NEDD4L: variants seen among roughly 807,000 people sequenced by gnomAD.
NEDD4L encodes the protein E3 ubiquitin-protein ligase NEDD4-like.
In NEDD4L, 54 loss-of-function variants were observed where a neutral mutation model predicts 148.9. The observed-to-expected ratio is 0.36, with a 90% confidence interval of 0.29 to 0.45. NEDD4L has a LOEUF of 0.45. Ranked by LOEUF, NEDD4L falls within the 20% of genes least tolerant of loss-of-function variation. The pLI is 1.00. For synonymous variants in NEDD4L, 433 were observed against 440.7 expected (o/e 0.98, Z 0.22); for missense variants, 856 against 1,233.8 (o/e 0.69, Z 4.59).
chr18:58,065,846 A>G (rs1599026662), intron 1 of NEDD4L, among the ~76,000 whole-genome samples: 1 of 152,212 alleles, frequency 6.6e-6, no homozygotes, highest in Non-Finnish European at 1.5e-5. Flanking sequence ...TTGCCACCAC[A>G]CAGAGTGCTG....
At chr18:58,126,387 A>C (rs892896009) in intron 1 of NEDD4L, among the ~76,000 whole-genome samples, 1 of 150,838 alleles carries the variant, frequency 6.6e-6, no homozygotes, top group African/African-American at 2.5e-5. Context: ...GAATCATACT[A>C]GGGGGTCTTT....
At chr18:58,387,976 G>GC (rs1305296399) in intron 27 of NEDD4L, 1 of 153,854 alleles carries the variant, frequency 6.5e-6, no homozygotes, top group African/African-American at 2.4e-5. Flanking sequence ...CCACAAGGTG[G>GC]CCGTAAGCAT....
intron 9 of NEDD4L, among the ~76,000 whole-genome samples, chr18:58,327,449 G>A (rs1436473900): frequency 1.3e-5 from 2 of 152,198 alleles, no homozygotes; most frequent in African/African-American, 4.8e-5. Flanking sequence ...TTTGGGAGAA[G>A]GCAGAGGCAT....
intron 5 of NEDD4L, among the ~76,000 whole-genome samples, chr18:58,283,457 G>C (rs766314065): frequency 6.6e-6 from 1 of 152,142 alleles, no homozygotes; most frequent in South Asian, 2.1e-4. Flanking sequence ...AGCAAGTCAC[G>C]TGGCCATGCC....
intron 5 of NEDD4L, among the ~76,000 whole-genome samples, chr18:58,286,052 A>G (rs1436774429): frequency 6.6e-6 from 1 of 152,232 alleles, no homozygotes; most frequent in African/African-American, 2.4e-5. Context: ...GCATTTTGCA[A>G]GTAGATGCAC....
chr18:58,114,710 A>G (rs2085668016), intron 1 of NEDD4L, among the ~76,000 whole-genome samples: 1 of 152,142 alleles, frequency 6.6e-6, no homozygotes, highest in African/African-American at 2.4e-5. Context: ...CATGGGCTAA[A>G]CTCAAGGTGT....
intron 1 of NEDD4L, among the ~76,000 whole-genome samples, chr18:58,072,026 C>G (rs1231471945): frequency 6.6e-6 from 1 of 152,090 alleles, no homozygotes; most frequent in Non-Finnish European, 1.5e-5. Context: ...ATTAGGTAAC[C>G]TAAATGGAAT....
At position 58,337,079 on chromosome 18, in the gene NEDD4L, ATGGCAAGGGTCACC is replaced by A. The variant is rs139717390; in HGVS notation, c.1125+1548_1125+1561del. ...TGGAATCATTGCAGTACCAGGCTCCATGGCAAGGGTCACCTGGCAGGACAAGGTGACCCCTCTGA... is the reference window on the plus strand; with the variant it reads ...TGGAATCATTGCAGTACCAGGCTCCATGGCAGGACAAGGTGACCCCTCTGA... On this transcript the variant is annotated intron_variant, in intron 13 of 30. Transcript: ENST00000400345. Among the ~76,000 whole-genome samples the A allele has an allele frequency of 4.8e-4, 73 of 152,260 alleles. 1 individual carries two copies. The East Asian group carries it at 0.013, about 27-fold the overall frequency.
At chr18:58,357,295 T>C (rs777990298) in intron 19 of NEDD4L, 43 bp downstream of exon 19, 3 of 1,459,774 alleles carry the variant, frequency 2.1e-6, no homozygotes, top group African/African-American at 1.4e-5. Flanking sequence ...AAGATTTTGG[T>C]TACGTGTTTA....
chr18:58,174,680 C>T (rs1039050113), intron 2 of NEDD4L, among the ~76,000 whole-genome samples: 2 of 152,074 alleles, frequency 1.3e-5, no homozygotes, highest in Non-Finnish European at 2.9e-5. Flanking sequence ...AGGCTACGTG[C>T]GACTGGAGGG....
At chr18:58,384,550 G>A (rs1026648734) in intron 25 of NEDD4L, among the ~76,000 whole-genome samples, 2 of 152,212 alleles carry the variant, frequency 1.3e-5, no homozygotes, top group African/African-American at 4.8e-5. Flanking sequence ...TCTGACATGC[G>A]TGGTATGTGT....
At chr18:58,098,522 G>C (rs112835324) in intron 1 of NEDD4L, among the ~76,000 whole-genome samples, 2,586 of 152,278 alleles carry the variant, frequency 0.017, 29 homozygotes, top group Non-Finnish European at 0.029. Flanking sequence ...TTGAATCCTT[G>C]CTTGGCCATC....
intron 5 of NEDD4L, chr18:58,255,838 T>G (rs774970540): frequency 1.1e-5 from 13 of 1,232,528 alleles, no homozygotes; most frequent in Non-Finnish European, 1.3e-5. Context: ...TGGGTGCGCT[T>G]AAGCGGAGCT....
intron 2 of NEDD4L, among the ~76,000 whole-genome samples, chr18:58,190,498 G>A (rs2039988086): frequency 6.6e-6 from 1 of 152,078 alleles, no homozygotes; most frequent in African/African-American, 2.4e-5. Context: ...TCTCATCTTA[G>A]GAAACACATA....
intron 14 of NEDD4L, 31 bp downstream of exon 14, chr18:58,341,200 C>T (rs2042375149): frequency 1.2e-6 from 2 of 1,607,808 alleles, no homozygotes; most frequent in South Asian, 2.2e-5. Context: ...CTTAAAACCG[C>T]AGGCCATAGA....
chr18:58,072,165 C>T (rs2082901659), intron 1 of NEDD4L, among the ~76,000 whole-genome samples: 1 of 152,172 alleles, frequency 6.6e-6, no homozygotes, highest in Admixed American at 6.5e-5. Context: ...TACTGGGTCA[C>T]ATGGTTTACT....
rs34500074 is a variant in NEDD4L at position 58,214,815 on chromosome 18, T to TTTG, written c.123-30599_123-30597dup. On this transcript the variant is annotated intron_variant, in intron 2 of 30. Transcript: ENST00000400345. ...TCTTTCTTTCATTTTTTTTTTTTTT[T>TTTG]TTGTTGTTGTTGTTGAGACAGAGTC... Among the ~76,000 whole-genome samples the TTTG allele has an allele frequency of 1.1e-3, 137 of 127,124 alleles. 1 individual carries two copies. Among genetic ancestry groups the TTTG allele is most frequent in the East Asian group, 4.5e-3 (20 of 4,438 alleles). The allele number at this position is 127,124 out of a possible 152,430, so 83.4% of individuals were successfully genotyped here. A position where few individuals can be genotyped will look rare whatever the true frequency, so the allele number is the denominator to read the frequency against.
intron 3 of NEDD4L, among the ~76,000 whole-genome samples, chr18:58,246,089 A>G (rs1411552684): frequency 6.6e-6 from 1 of 152,066 alleles, no homozygotes; most frequent in Non-Finnish European, 1.5e-5. Flanking sequence ...CTAACCCAAG[A>G]TAGTGATTCA....
intron 30 of NEDD4L, 36 bp from the exon 31 acceptor site, chr18:58,396,131 G>A: frequency 7.0e-7 from 1 of 1,419,310 alleles, no homozygotes; most frequent in Non-Finnish European, 9.9e-7. Flanking sequence ...AAGTGCTGTT[G>A]TGGCTTTTCA....
Sources: allele counts gnomAD v4.1 joint callset (sites outside exome capture counted in the v4.1 genomes callset), GRCh38; gene constraint gnomAD v4.1.1; transcripts MANE v1.5; gene names NCBI Gene and HGNC (gene_info 2026-07-23, HGNC 2026-07-21).